Variants in HTRA1 observed in about 807,000 individuals in gnomAD.
The protein encoded by HTRA1 is serine protease HTRA1.
A neutral mutation model predicts 49.7 loss-of-function variants in HTRA1; 26 were observed. The ratio of observed to expected loss-of-function variants is 0.52; its 90% CI spans 0.38 to 0.73. The LOEUF is 0.73. Ranked by LOEUF, HTRA1 falls within the 30% of genes least tolerant of loss-of-function variation. The pLI is 0.00. For missense variants in HTRA1, 561 were observed against 667.2 expected (o/e 0.84, Z 1.75); for synonymous variants, 291 against 286.9 (o/e 1.01, Z -0.14).
chr10:122,468,935 A>G (rs2097484936), intron 1 of HTRA1, among the ~76,000 whole-genome samples: 1 of 152,194 alleles, frequency 6.6e-6, no homozygotes, highest in Admixed American at 6.5e-5. Flanking sequence ...TGGATACCCT[A>G]TTATTTTAGA....
At position 122,464,554 on chromosome 10, in the gene HTRA1, G is replaced by A. The variant is rs548891591; in HGVS notation, c.472+2430G>A. Among the ~76,000 whole-genome samples the A allele has an allele frequency of 2.0e-5, 3 of 152,348 alleles. No homozygotes were observed. The South Asian group carries it at 6.2e-4, about 32-fold the overall frequency. On this transcript the variant is annotated intron_variant, in intron 1 of 8. Coordinates refer to ENST00000368984, the MANE Select transcript of HTRA1 (RefSeq NM_002775.5). The surrounding 1 kb of genome is among the most constrained non-coding windows in gnomAD (Gnocchi z 4.8). ...CGAGTGGATTAGTGAATGAATAAAT[G>A]AATGAATGAAGACAAACGGGAGGTG...
intron 3 of HTRA1, among the ~76,000 whole-genome samples, chr10:122,498,251 C>T (rs77869329): frequency 0.029 from 4,355 of 152,182 alleles, 117 homozygotes; most frequent in East Asian, 0.14. Context: ...ACCCCTTCTA[C>T]CCTGCTGCCC....
Position 122,489,613 on chromosome 10 carries a change from A to G in HTRA1, c.764A>G (p.Lys255Arg), listed in dbSNP as rs771661856. Residue 255 changes from lysine (K) to arginine (R), a missense_variant, in exon 3 of 9, where the codon AAA becomes AGA. Around this residue, in one of 3 missense-constraint regions of HTRA1, gnomAD observed 271 missense variants for 410.0 expected, o/e 0.66. Transcript: ENST00000368984. ...GAGAAAGCAGACATCGCACTCATCAAAATTGACCACCAGGTAAGGGTGTTC... is the reference window on the plus strand; with the variant it reads ...GAGAAAGCAGACATCGCACTCATCAGAATTGACCACCAGGTAAGGGTGTTC... ...VDEKADIALIKIDHQGKLPVL... is the reference protein window; with the variant it reads ...VDEKADIALIRIDHQGKLPVL... The G allele has an allele frequency of 5.0e-6, 8 of 1,613,582 alleles. No homozygotes were observed. The highest frequency in any genetic ancestry group is 1.3e-5 in the African/African-American group (1 of 74,898).
At chr10:122,496,224 G>GGTT (rs2097498574) in intron 3 of HTRA1, among the ~76,000 whole-genome samples, 1 of 32,064 alleles carries the variant, frequency 3.1e-5, no homozygotes, top group African/African-American at 1.6e-4. Flanking sequence ...AGAGATTGTG[G>GGTT]GTTCTTTTTT....
Position 122,506,900 on chromosome 10 carries a change from C to G in HTRA1, c.972+15C>G. 4.3e-6 allele frequency: 7 copies of G among 1,611,202 alleles called. No individual in the cohort carries two copies. The highest frequency in any genetic ancestry group is 5.9e-6 in the Non-Finnish European group (7 of 1,178,418). ...CCATCATCAACGTGAGCCTCTGTCC[C>G]TCTGCGGGTGGGGATTGGGGCAGAG... On this transcript the variant is annotated intron_variant, in intron 4 of 8. Transcript: ENST00000368984. The surrounding 1 kb of genome is among the most constrained non-coding windows in gnomAD (Gnocchi z 5.2).
Position 122,489,492 on chromosome 10 carries a change from A to G in HTRA1, c.643A>G (p.Ile215Val), listed in dbSNP as rs1411962744. 2.5e-6 allele frequency: 4 copies of G among 1,614,094 alleles called. 1 individual carries two copies. Among genetic ancestry groups the G allele is most frequent in the Non-Finnish European group, 3.4e-6 (4 of 1,180,046 alleles). ...GTTTATTGTGTCGGAAGATGGACTG[A>G]TCGTGACAAATGCCCACGTGGTGAC... The part of the protein sequence containing the change: ...SGFIVSEDGL[I>V]VTNAHVVTNK... The change falls in exon 3 of 9, where the codon ATC becomes GTC. Residue 215 changes from isoleucine (I) to valine (V), a missense_variant. Transcript: ENST00000368984.
chr10:122,466,898 G>A (rs570797871), intron 1 of HTRA1, among the ~76,000 whole-genome samples: 3 of 152,074 alleles, frequency 2.0e-5, no homozygotes, highest in South Asian at 4.1e-4. Flanking sequence ...TTGCTCTGTT[G>A]GTTTTGCTAA....
chr10:122,461,758 G>A lies in HTRA1; in HGVS notation c.106G>A (p.Gly36Arg). The A allele has an allele frequency of 2.7e-6, 3 of 1,107,138 alleles. No homozygotes were observed. Among genetic ancestry groups the A allele is most frequent in the South Asian group, 3.0e-5 (1 of 33,644 alleles). 68.6% of individuals were successfully genotyped at this position (1,107,138 alleles called of 1,614,324 possible). The change falls in exon 1 of 9, where the codon GGG becomes AGG. Residue 36 changes from glycine to arginine, a missense_variant. This residue lies in a region of HTRA1 where 111 missense variants were observed against 83.7 expected (regional missense o/e 1.33). Coordinates refer to ENST00000368984, the MANE Select transcript of HTRA1 (RefSeq NM_002775.5). ...RAGRSAPLAA[G>R]CPDRCEPARC... ...CGGCCGCTCGGCGCCTTTGGCCGCC[G>A]GGTGCCCAGACCGCTGCGAGCCGGC...
intron 1 of HTRA1, among the ~76,000 whole-genome samples, chr10:122,486,378 G>C (rs1363867597): frequency 1.3e-5 from 2 of 152,194 alleles, no homozygotes; most frequent in Non-Finnish European, 1.5e-5. Flanking sequence ...ATTCTTCCAA[G>C]TAGTTGCAGA....
intron 3 of HTRA1, among the ~76,000 whole-genome samples, chr10:122,495,621 A>C (rs2097498255): frequency 6.6e-6 from 1 of 152,144 alleles, no homozygotes; most frequent in Non-Finnish European, 1.5e-5. Flanking sequence ...GTTGATTGTC[A>C]AGGAAATTCT....
intron 1 of HTRA1, among the ~76,000 whole-genome samples, chr10:122,476,195 C>G (rs1341865202): frequency 6.6e-6 from 1 of 152,186 alleles, no homozygotes; most frequent in Admixed American, 6.5e-5. Context: ...CTCTGTGTTT[C>G]TCTGCAGTTC....
At position 122,461,706 on chromosome 10, in the gene HTRA1, G is replaced by C; in HGVS notation, c.54G>C (p.Ala18=). 1 of 1,290,784 alleles carries C rather than the reference G, an allele frequency of 7.7e-7. No individual in the cohort carries two copies. The highest frequency in any genetic ancestry group is 1.0e-6 in the Non-Finnish European group (1 of 1,003,114). 80.0% of individuals were successfully genotyped at this position (1,290,784 alleles called of 1,614,324 possible). A position where few individuals can be genotyped will look rare whatever the true frequency, so the allele number is the denominator to read the frequency against. The part of the protein sequence containing the change: ...LLPLLLLLLA[A]PASAQLSRAG... ...CGCTGCTGCTGCTGCTGCTGGCGGC[G>C]CCCGCCTCGGCGCAGCTGTCCCGGG... is the stretch of plus-strand genomic sequence containing the variant. The change falls in exon 1 of 9, where the codon GCG becomes GCC. Residue 18 remains alanine, a synonymous_variant. Coordinates refer to ENST00000368984, the MANE Select transcript of HTRA1 (RefSeq NM_002775.5).
rs745597966 is a variant in HTRA1, at chr10:122,461,714, C to G, written c.62C>G (p.Ser21Trp). The G allele has an allele frequency of 3.9e-6, 5 of 1,294,458 alleles. No homozygotes were observed. Among genetic ancestry groups the G allele is most frequent in the Non-Finnish European group, 5.0e-6 (5 of 1,005,360 alleles). 80.2% of individuals were successfully genotyped at this position (1,294,458 alleles called of 1,614,324 possible). ...CTGCTGCTGCTGGCGGCGCCCGCCTCGGCGCAGCTGTCCCGGGCCGGCCGC... is the reference window on the plus strand; with the variant it reads ...CTGCTGCTGCTGGCGGCGCCCGCCTGGGCGCAGCTGTCCCGGGCCGGCCGC... ...LLLLLLAAPA[S>W]AQLSRAGRSA... The change falls in exon 1 of 9, where the codon TCG (serine) becomes TGG (tryptophan). Residue 21 changes from serine to tryptophan, a missense_variant. Ser to Trp is a radical substitution (Grantham distance 177). Coordinates refer to ENST00000368984, the MANE Select transcript of HTRA1 (RefSeq NM_002775.5).
chr10:122,484,824 T>A (rs1357601975), intron 1 of HTRA1, among the ~76,000 whole-genome samples: 1 of 152,204 alleles, frequency 6.6e-6, no homozygotes, highest in Non-Finnish European at 1.5e-5. Flanking sequence ...CTTCTCCTCA[T>A]GCTGATAGAC....
intron 6 of HTRA1, among the ~76,000 whole-genome samples, chr10:122,509,680 G>A (rs528082269): frequency 2.1e-4 from 32 of 152,282 alleles, no homozygotes; most frequent in African/African-American, 6.5e-4. Context: ...TGATGGCTGC[G>A]GGGAGTCTGC....
intron 1 of HTRA1, among the ~76,000 whole-genome samples, chr10:122,482,154 C>T (rs2097491304): frequency 6.6e-6 from 1 of 152,130 alleles, no homozygotes; most frequent in African/African-American, 2.4e-5. Context: ...TAAAAAAAGA[C>T]ATTTTAATTT....
intron 1 of HTRA1, among the ~76,000 whole-genome samples, chr10:122,483,392 G>A (rs1358813121): frequency 6.6e-6 from 1 of 152,152 alleles, no homozygotes; most frequent in Non-Finnish European, 1.5e-5. Flanking sequence ...TTAAAAATCA[G>A]TAATGAGAAA....
chr10:122,514,855 T>A lies in HTRA1; in HGVS notation c.*496T>A, dbSNP rs557162634. ...GCCTCTTTTAGGAATCTCTTTGGAATTGGGAGCACGATGACTCTGAGTTTG... is the reference window on the plus strand; with the variant it reads ...GCCTCTTTTAGGAATCTCTTTGGAAATGGGAGCACGATGACTCTGAGTTTG... On this transcript the variant is annotated 3_prime_UTR_variant, in exon 9 of 9. Coordinates refer to ENST00000368984, the MANE Select transcript of HTRA1 (RefSeq NM_002775.5). 5.1e-6 allele frequency: 1 copy of A among 197,380 alleles called. No homozygotes were observed. The highest frequency in any genetic ancestry group is 1.0e-5 in the Non-Finnish European group (1 of 95,380). The allele number at this position is 197,380 out of a possible 1,614,324, so 12.2% of individuals were successfully genotyped here. A position where few individuals can be genotyped will look rare whatever the true frequency, so the allele number is the denominator to read the frequency against.
chr10:122,471,943 C>T (rs75150595), intron 1 of HTRA1, among the ~76,000 whole-genome samples: 2,522 of 152,268 alleles, frequency 0.017, 37 homozygotes, highest in East Asian at 0.064. Context: ...AAATAATTTC[C>T]TTGGGTTAGA....
Sources: allele counts gnomAD v4.1 joint callset (sites outside exome capture counted in the v4.1 genomes callset), GRCh38; gene constraint gnomAD v4.1.1; regional missense constraint gnomAD v4.1.1; non-coding constraint Gnocchi (gnomAD v3.1); transcripts MANE v1.5; gene names NCBI Gene and HGNC (gene_info 2026-07-23, HGNC 2026-07-21).